The following ZNF687 variants were observed in gnomAD, a reference collection of about 807,000 sequenced individuals.
ZNF687 encodes the protein zinc finger protein 687.
In ZNF687, 13 loss-of-function variants were observed where a neutral mutation model predicts 71.8. The ratio of observed to expected loss-of-function variants is 0.18; its 90% CI spans 0.12 to 0.29. The LOEUF (loss-of-function observed/expected upper bound fraction) is 0.29. Among genes scored for constraint, ZNF687 ranks in the 10% least tolerant of loss-of-function variants. The pLI, the probability that ZNF687 is intolerant of heterozygous loss-of-function variation, is 1.00. For missense variants in ZNF687, 1,412 were observed against 1,625.6 expected (o/e 0.87, Z 2.26); for synonymous variants, 673 against 641.6 (o/e 1.05, Z -0.74).
Position 151,289,940 on chromosome 1 carries a change from G to A in ZNF687, c.2897G>A (p.Gly966Asp), listed in dbSNP as rs757625461. The A allele has an allele frequency of 6.4e-7, 1 of 1,565,508 alleles. No individual in the cohort carries two copies. Among genetic ancestry groups the A allele is most frequent in the Admixed American group, 1.9e-5 (1 of 52,594 alleles). ...GGGGGGCCTGGAGGCTGGACCTGTG[G>A]CCTGTGTCACTCCTGGTTCCCTGAG... Reference protein sequence around the residue: ...GGGGPGGWTCGLCHSWFPERD... With the variant: ...GGGGPGGWTCDLCHSWFPERD... Residue 966 changes from glycine (G) to aspartate (D), a missense_variant, in exon 6 of 9, where the codon GGC (glycine) becomes GAC (aspartate). By Grantham distance (94) the Gly-to-Asp change is moderately conservative. Around this residue, in one of 8 missense-constraint regions of ZNF687, gnomAD observed 135 missense variants for 104.1 expected, o/e 1.30. Transcript: ENST00000336715.
chr1:151,290,928 G>A lies in ZNF687; in HGVS notation c.3433G>A (p.Ala1145Thr). The change falls in exon 9 of 9, where the codon GCC becomes ACC. Residue 1145 changes from alanine to threonine, a missense_variant. By Grantham distance (58) the Ala-to-Thr change is moderately conservative. Transcript: ENST00000336715. Reference protein sequence around the residue: ...QQCLDCGLCFASPGSLSRHRF... With the variant: ...QQCLDCGLCFTSPGSLSRHRF... ...GTGCCTCGACTGTGGCTTGTGCTTTGCCTCCCCTGGCTCCCTGAGCCGACA... is the reference window on the plus strand; with the variant it reads ...GTGCCTCGACTGTGGCTTGTGCTTTACCTCCCCTGGCTCCCTGAGCCGACA... 6.2e-7 allele frequency: 1 copy of A among 1,613,622 alleles called. No homozygotes were observed.
intron 1 of ZNF687, chr1:151,284,209 G>A (rs1693851168): frequency 9.1e-6 from 9 of 985,360 alleles, no homozygotes; most frequent in Non-Finnish European, 1.1e-5. Flanking sequence ...GAAATGATGG[G>A]TGAGGGTTGA....
rs781779014 is a variant in ZNF687 at position 151,288,686 on chromosome 1, C to T, written c.2274C>T (p.Val758=). 1 of 1,613,502 alleles carries T rather than the reference C, an allele frequency of 6.2e-7. No homozygotes were observed. Among genetic ancestry groups the T allele is most frequent in the Admixed American group, 1.7e-5 (1 of 59,958 alleles). ...QTHLREACLH[V]SRRVGYRCPS... ...ATCTCCGGGAGGCCTGTCTGCACGT[C>T]TCTCGCCGTGTAGGATACAGGTGCC... Residue 758 remains valine (V), a synonymous_variant, in exon 3 of 9, where the codon GTC becomes GTT. Coordinates refer to ENST00000336715, the MANE Select transcript of ZNF687 (RefSeq NM_020832.3).
rs759992823 is a variant in ZNF687 at position 151,287,116 on chromosome 1, C to T, written c.825C>T (p.Ser275=). ...QSPGHQSPLA[S]PKVPVCQPLK... is the part of the protein sequence containing the mutation. ...CAGGGCACCAGAGCCCTCTTGCCTC[C>T]CCCAAAGTGCCCGTCTGTCAGCCCT... The change falls in exon 2 of 9, where the codon TCC becomes TCT. Residue 275 remains serine (S), a synonymous_variant. Transcript: ENST00000336715. The surrounding 1 kb of genome is among the most constrained non-coding windows in gnomAD (Gnocchi z 5.0). 5 of 1,614,018 alleles carry T rather than the reference C, an allele frequency of 3.1e-6. No homozygotes were observed. The Admixed American group carries it at 8.3e-5, about 27-fold the overall frequency.
At chr1:151,283,408 C>CG (rs1375380870) in intron 1 of ZNF687, 4 of 709,962 alleles carry the variant, frequency 5.6e-6, no homozygotes, top group Non-Finnish European at 5.2e-6. Flanking sequence ...GGAAAGGGGG[C>CG]GGGGGAGATA....
At position 151,286,258 on chromosome 1, in the gene ZNF687, G is replaced by A. The variant is rs76673715; in HGVS notation, c.-17-17G>A. 78 of 1,516,156 alleles carry A rather than the reference G, an allele frequency of 5.1e-5. No individual in the cohort carries two copies. Among genetic ancestry groups the A allele is most frequent in the Admixed American group, 1.1e-4 (5 of 44,144 alleles). The allele number at this position is 1,516,156 out of a possible 1,614,324, so 93.9% of individuals were successfully genotyped here. On this transcript the variant is annotated splice_polypyrimidine_tract_variant and intron_variant, in intron 1 of 8. Coordinates refer to ENST00000336715, the MANE Select transcript of ZNF687 (RefSeq NM_020832.3). Reference sequence around the variant, plus strand: ...CTAGACATCTCAGTTTCTCCTCCTCGTTCCTGTTTTCATCAGGTCTGGGAT... The same window carrying A: ...CTAGACATCTCAGTTTCTCCTCCTCATTCCTGTTTTCATCAGGTCTGGGAT...
chr1:151,289,671 C>T lies in ZNF687; in HGVS notation c.2635-7C>T. 6.3e-7 allele frequency: 1 copy of T among 1,578,470 alleles called. No homozygotes were observed. On this transcript the variant is annotated splice_polypyrimidine_tract_variant and splice_region_variant and intron_variant, in intron 5 of 8. Coordinates refer to ENST00000336715, the MANE Select transcript of ZNF687 (RefSeq NM_020832.3). Reference sequence around the variant, plus strand: ...ACAACAGCAACCTCCCTTGTCTCCTCTCACAGAACACCCATCAGTCTGGGC... The same window carrying T: ...ACAACAGCAACCTCCCTTGTCTCCTTTCACAGAACACCCATCAGTCTGGGC...
intron 1 of ZNF687, chr1:151,285,860 C>T: frequency 6.5e-6 from 1 of 154,272 alleles, no homozygotes; most frequent in South Asian, 2.0e-4. Flanking sequence ...CAGGCATGTG[C>T]CACCACACCT....
In ZNF687 at chr1:151,288,667, G is replaced by T. The variant is rs149247665; in HGVS notation, c.2255G>T (p.Arg752Leu). The T allele has an allele frequency of 1.2e-6, 2 of 1,613,964 alleles. No individual in the cohort carries two copies. Among genetic ancestry groups the T allele is most frequent in the Non-Finnish European group, 8.5e-7 (1 of 1,179,926 alleles). The change falls in exon 3 of 9, where the codon CGG becomes CTG. Residue 752 changes from arginine to leucine, a missense_variant. Physicochemically the swap from Arg to Leu is moderately radical, Grantham distance 102. Coordinates refer to ENST00000336715, the MANE Select transcript of ZNF687 (RefSeq NM_020832.3). ...FLQANFQTHL[R>L]EACLHVSRRV... The stretch of plus-strand genomic sequence containing the variant: ...CAAGCCAATTTTCAGACCCATCTCC[G>T]GGAGGCCTGTCTGCACGTCTCTCGC...
At chr1:151,284,194 G>A in intron 1 of ZNF687, 15 of 985,374 alleles carry the variant, frequency 1.5e-5, no homozygotes, top group Non-Finnish European at 1.8e-5. Flanking sequence ...GAGGAGCTTG[G>A]AGCAGAAATG....
At position 151,287,214 on chromosome 1, in the gene ZNF687, GGGCCGA is replaced by G; in HGVS notation, c.927_932del (p.Glu310_Ala311del). ...GGAAGTCCCCAGAGTCCCTCTAGTG[GGGCCGA>G]GGCTGCAGATGAGGACAGCAATGAC... On this transcript the variant is annotated inframe_deletion, in exon 2 of 9. Transcript: ENST00000336715. This position sits in a 1 kb window ranked among gnomAD's most constrained non-coding sequence, Gnocchi z 5.0. 6.2e-7 allele frequency: 1 copy of G among 1,614,164 alleles called. No individual in the cohort carries two copies. Among genetic ancestry groups the G allele is most frequent in the East Asian group, 2.2e-5 (1 of 44,870 alleles).
rs764300353 is a variant in ZNF687, at chr1:151,286,792, C to T, written c.501C>T (p.Gly167=). ...KTPLDLFAHF[G]PEPGDHSDPL... ...CCTTGGACCTGTTTGCTCATTTTGG[C>T]CCTGAGCCAGGGGACCACTCAGATC... Residue 167 remains glycine, a synonymous_variant, in exon 2 of 9, where the codon GGC becomes GGT. Coordinates refer to ENST00000336715, the MANE Select transcript of ZNF687 (RefSeq NM_020832.3). The T allele has an allele frequency of 1.2e-6, 2 of 1,614,212 alleles. No individual in the cohort carries two copies. Among genetic ancestry groups the T allele is most frequent in the Non-Finnish European group, 1.7e-6 (2 of 1,180,024 alleles).
In ZNF687 at chr1:151,289,906, G is replaced by A. The variant is rs774232906; in HGVS notation, c.2863G>A (p.Gly955Ser). 14 of 1,557,420 alleles carry A rather than the reference G, an allele frequency of 9.0e-6. No homozygotes were observed. The South Asian group carries it at 1.6e-4, about 18-fold the overall frequency. Residue 955 changes from glycine (G) to serine (S), a missense_variant, in exon 6 of 9, where the codon GGT becomes AGT. By Grantham distance (56) the Gly-to-Ser change is moderately conservative (BLOSUM62 0). Coordinates refer to ENST00000336715, the MANE Select transcript of ZNF687 (RefSeq NM_020832.3). The stretch of plus-strand genomic sequence containing the variant: ...GGAACTAGGGAGCAAAGGCCTCAAG[G>A]GTGGGGGTGGGGGGCCTGGAGGCTG... ...RRELGSKGLKGGGGGPGGWTC... is the reference protein window; with the variant it reads ...RRELGSKGLKSGGGGPGGWTC...
chr1:151,290,449 A>G lies in ZNF687; in HGVS notation c.3095A>G (p.Lys1032Arg). The change falls in exon 8 of 9, where the codon AAA becomes AGA. Residue 1032 changes from lysine to arginine, a missense_variant. Transcript: ENST00000336715. ...VYPCRYCTEG[K>R]RTFSSRLILE... ...CATTTCAGGTATTGCACAGAGGGAAAACGCACCTTCAGCAGCCGCCTGATC... is the reference window on the plus strand; with the variant it reads ...CATTTCAGGTATTGCACAGAGGGAAGACGCACCTTCAGCAGCCGCCTGATC... The G allele has an allele frequency of 2.5e-6, 4 of 1,613,922 alleles. No homozygotes were observed. The highest frequency in any genetic ancestry group is 3.4e-6 in the Non-Finnish European group (4 of 1,180,016).
chr1:151,290,264 G>C (rs1434988061), intron 7 of ZNF687, 30 bp downstream of exon 7: 1 of 1,612,166 alleles, frequency 6.2e-7, no homozygotes, highest in African/African-American at 1.3e-5. Flanking sequence ...TCCTCTTCCT[G>C]CCCAGCACGT....
chr1:151,283,828 C>T, intron 1 of ZNF687: 7 of 985,402 alleles, frequency 7.1e-6, no homozygotes, highest in Non-Finnish European at 8.4e-6. Flanking sequence ...CCAGCAATCC[C>T]AGCTGCCACT....
chr1:151,288,083 G>T lies in ZNF687; in HGVS notation c.1792G>T (p.Val598Phe). Residue 598 changes from valine (V) to phenylalanine (F), a missense_variant, in exon 2 of 9, where the codon GTC becomes TTC. Around this residue, in one of 8 missense-constraint regions of ZNF687, gnomAD observed 207 missense variants for 239.2 expected, o/e 0.87. Transcript: ENST00000336715. ...KGLVMQCSHLVMRPVALDQMV... is the reference protein window; with the variant it reads ...KGLVMQCSHLFMRPVALDQMV... ...GCTCGTCATGCAGTGCTCACATTTG[G>T]TCATGAGGCCTGTAGCCCTTGACCA... 2 of 1,614,018 alleles carry T rather than the reference G, an allele frequency of 1.2e-6. No individual in the cohort carries two copies. Among genetic ancestry groups the T allele is most frequent in the Non-Finnish European group, 1.7e-6 (2 of 1,180,040 alleles).
Position 151,287,654 on chromosome 1 carries a change from C to T in ZNF687, c.1363C>T (p.Arg455Trp), listed in dbSNP as rs144174264. Residue 455 changes from arginine to tryptophan, a missense_variant, in exon 2 of 9, where the codon CGG becomes TGG. This residue lies in a region of ZNF687 where 133 missense variants were observed against 155.1 expected (regional missense o/e 0.86). Transcript: ENST00000336715. This position sits in a 1 kb window ranked among gnomAD's most constrained non-coding sequence, Gnocchi z 5.0. ...VPQALPKADG[R>W]AGLGTGGQKV... is the part of the protein sequence containing the mutation. ...CCAAGCCCTGCCTAAGGCTGACGGG[C>T]GGGCAGGGCTGGGGACTGGGGGACA... The T allele has an allele frequency of 3.5e-5, 56 of 1,612,868 alleles. No individual in the cohort carries two copies. The highest frequency in any genetic ancestry group is 1.5e-4 in the African/African-American group (11 of 74,854).
chr1:151,291,564 G>A lies in ZNF687; in HGVS notation c.*355G>A, dbSNP rs1407680476. ...AAGGACTGATGGGGGTGTCATGGAT[G>A]GACACACCTCTCCACAATTCCTTCA... On this transcript the variant is annotated 3_prime_UTR_variant, in exon 9 of 9. Coordinates refer to ENST00000336715, the MANE Select transcript of ZNF687 (RefSeq NM_020832.3). 1 of 208,050 alleles carries A rather than the reference G, an allele frequency of 4.8e-6. No individual in the cohort carries two copies. Among genetic ancestry groups the A allele is most frequent in the Non-Finnish European group, 9.7e-6 (1 of 102,736 alleles). 12.9% of individuals were successfully genotyped at this position (208,050 alleles called of 1,614,324 possible).
Sources: allele counts gnomAD v4.1 joint callset, GRCh38; gene constraint gnomAD v4.1.1; regional missense constraint gnomAD v4.1.1; non-coding constraint Gnocchi (gnomAD v3.1); transcripts MANE v1.5; gene names NCBI Gene and HGNC (gene_info 2026-07-23, HGNC 2026-07-21).